Variants in NAALADL2 observed in about 807,000 individuals in gnomAD.
NAALADL2 encodes N-acetylated alpha-linked acidic dipeptidase like 2.
Under a neutral mutation model 87.2 loss-of-function variants are expected in NAALADL2, and 76 were observed. The ratio of observed to expected loss-of-function variants is 0.87; its 90% CI spans 0.72 to 1.05. The LOEUF (loss-of-function observed/expected upper bound fraction) is 1.05, where lower values mean the gene tolerates loss of function less well. Ranked by LOEUF, NAALADL2 falls within the 50% of genes least tolerant of loss-of-function variation. The pLI is 0.00. For missense variants in NAALADL2, 1,089 were observed against 945.8 expected, an observed-to-expected ratio of 1.15 and a Z score of -1.99; for synonymous variants, 354 against 331.0, an observed-to-expected ratio of 1.07 and a Z score of -0.75.
intron 3 of NAALADL2, among the ~76,000 whole-genome samples, chr3:174,790,347 G>A (rs1717308601): frequency 6.6e-6 from 1 of 152,078 alleles, no homozygotes; most frequent in Admixed American, 6.6e-5. Flanking sequence ...TAAAAAGAAT[G>A]ATCTGTCAAA....
intron 9 of NAALADL2, among the ~76,000 whole-genome samples, chr3:175,512,109 C>T (rs932318703): frequency 3.9e-5 from 6 of 151,994 alleles, no homozygotes; most frequent in South Asian, 4.1e-4. Flanking sequence ...CTTGGCATAG[C>T]GGTGAGTAGC....
intron 11 of NAALADL2, among the ~76,000 whole-genome samples, chr3:175,685,574 G>A (rs903040102): frequency 6.6e-6 from 1 of 151,876 alleles, no homozygotes; most frequent in African/African-American, 2.4e-5. Context: ...TCACATGACT[G>A]TGGAGCCAAG....
intron 1 of NAALADL2, among the ~76,000 whole-genome samples, chr3:175,017,766 TG>T (rs941290984): frequency 6.6e-6 from 1 of 152,104 alleles, no homozygotes; most frequent in Non-Finnish European, 1.5e-5. Context: ...ATATTATTTT[TG>T]GGGGGCACTG....
rs1196230230 is a variant in NAALADL2, at chr3:174,524,732, A to ATT, written c.-183-25837_-183-25836insTT. ...CCAACAAATTAAAAAAAAAAAAAAG[A>ATT]AGAAAACATTTGTCGAGGTTGGGTC... On this transcript the variant is annotated intron_variant, in intron 1 of 3. Coordinates refer to the NAALADL2 transcript ENST00000434257. Among the ~76,000 whole-genome samples, 536 of 151,178 alleles carry ATT rather than the reference A, an allele frequency of 3.5e-3. 3 individuals are homozygous for ATT. Among genetic ancestry groups the ATT allele is most frequent in the African/African-American group, 0.012 (489 of 41,234 alleles).
chr3:175,753,346 A>G (rs541777378), intron 12 of NAALADL2, among the ~76,000 whole-genome samples: 1 of 152,184 alleles, frequency 6.6e-6, no homozygotes, highest in African/African-American at 2.4e-5. Context: ...TGTAGCCCTT[A>G]TAAAACTACT....
At chr3:175,272,737 A>G (rs1303642082) in intron 4 of NAALADL2, among the ~76,000 whole-genome samples, 2 of 152,120 alleles carry the variant, frequency 1.3e-5, no homozygotes, top group Non-Finnish European at 2.9e-5. Flanking sequence ...TATACTTCCC[A>G]TTTCTCATAT....
At chr3:175,457,857 AAG>A (rs1722552537) in intron 6 of NAALADL2, among the ~76,000 whole-genome samples, 1 of 144,384 alleles carries the variant, frequency 6.9e-6, no homozygotes, top group African/African-American at 2.9e-5. Flanking sequence ...CACTGTAAAG[AAG>A]AGATTTTTCC....
Position 175,349,861 on chromosome 3 carries a change from A to G in NAALADL2, c.1090+25536A>G, listed in dbSNP as rs9820055. On this transcript the variant is annotated intron_variant, in intron 5 of 13. Coordinates refer to ENST00000454872, the MANE Select transcript of NAALADL2 (RefSeq NM_207015.3). ...CTACCTGCTTGTTTCTTTCCCTCAC[A>G]TTAGAGAGAGCCTGGCTAGCATGTG... 9.8e-3 allele frequency among the ~76,000 whole-genome samples: 1,495 copies of G among 152,162 alleles called. 27 individuals are homozygous for G. Among genetic ancestry groups the G allele is most frequent in the African/African-American group, 0.034 (1,428 of 41,512 alleles).
intron 1 of NAALADL2, among the ~76,000 whole-genome samples, chr3:174,962,429 A>ATGTCATAGTCAC (rs1560417388): frequency 8.3e-6 from 1 of 121,020 alleles, no homozygotes. Context: ...ATATATATAT[A>ATGTCATAGTCAC]TATGTATATT....
At chr3:174,842,369 G>A (rs1328961831) in intron 3 of NAALADL2, among the ~76,000 whole-genome samples, 1 of 152,070 alleles carries the variant, frequency 6.6e-6, no homozygotes, top group Non-Finnish European at 1.5e-5. Flanking sequence ...ACTTTTTAAT[G>A]TTTTGCTTCA....
intron 1 of NAALADL2, among the ~76,000 whole-genome samples, chr3:174,449,755 A>G (rs530622266): frequency 4.9e-4 from 75 of 152,312 alleles, no homozygotes; most frequent in African/African-American, 1.7e-3. Context: ...GTTTGGAGAT[A>G]ATGTTGAAAT....
chr3:175,236,119 T>C (rs1054942349), intron 3 of NAALADL2, among the ~76,000 whole-genome samples: 1 of 152,130 alleles, frequency 6.6e-6, no homozygotes, highest in Non-Finnish European at 1.5e-5. Context: ...GGAGATTCAC[T>C]GGATCTGGAA....
At chr3:174,558,658 G>A (rs757407251) in intron 2 of NAALADL2, among the ~76,000 whole-genome samples, 18 of 152,138 alleles carry the variant, frequency 1.2e-4, no homozygotes, top group Non-Finnish European at 2.2e-4. Flanking sequence ...TAATGCCAGC[G>A]ATGGGGAGGG....
chr3:175,605,266 G>C (rs1274288200), intron 10 of NAALADL2, among the ~76,000 whole-genome samples: 2 of 152,020 alleles, frequency 1.3e-5, no homozygotes. Context: ...AGTCATTTGT[G>C]CACCTTGAAA....
chr3:175,768,089 A>T (rs1194967163), intron 13 of NAALADL2, among the ~76,000 whole-genome samples: 5 of 151,974 alleles, frequency 3.3e-5, no homozygotes, highest in Admixed American at 3.3e-4. Context: ...GTGGGGTTTT[A>T]TTGGGGTTTT....
intron 5 of NAALADL2, among the ~76,000 whole-genome samples, chr3:175,371,255 T>G (rs1252144359): frequency 6.6e-6 from 1 of 151,990 alleles, no homozygotes; most frequent in Non-Finnish European, 1.5e-5. Context: ...ACTAATATTA[T>G]GGATGATATT....
At chr3:174,754,571 C>T (rs2036072741) in intron 3 of NAALADL2, among the ~76,000 whole-genome samples, 1 of 151,526 alleles carries the variant, frequency 6.6e-6, no homozygotes, top group South Asian at 2.1e-4. Context: ...AGTGATCCTC[C>T]CACCTTGGCC....
intron 1 of NAALADL2, among the ~76,000 whole-genome samples, chr3:174,536,904 T>C (rs953215118): frequency 1.3e-5 from 2 of 152,192 alleles, no homozygotes; most frequent in African/African-American, 4.8e-5. Flanking sequence ...AATACAATGG[T>C]TTGTTATTAT....
At chr3:175,395,276 CTT>C (rs757358737) in intron 5 of NAALADL2, among the ~76,000 whole-genome samples, 9 of 152,130 alleles carry the variant, frequency 5.9e-5, no homozygotes, top group Non-Finnish European at 1.3e-4. Context: ...CAATTAAAAA[CTT>C]ATGATTTGTT....
Sources: allele counts gnomAD v4.1 joint callset (sites outside exome capture counted in the v4.1 genomes callset), GRCh38; gene constraint gnomAD v4.1.1; transcripts MANE v1.5; gene names NCBI Gene and HGNC (gene_info 2026-07-23, HGNC 2026-07-21).